Variants in NUDT3 observed in about 807,000 individuals in gnomAD.
NUDT3 encodes nudix hydrolase 3.
Under a neutral mutation model 23.6 loss-of-function variants are expected in NUDT3, and 9 were observed. The observed-to-expected ratio is 0.38, with a 90% confidence interval of 0.23 to 0.66. The LOEUF (loss-of-function observed/expected upper bound fraction) is 0.66, where lower values mean the gene tolerates loss of function less well. Ranked by LOEUF, NUDT3 falls within the 30% of genes least tolerant of loss-of-function variation. NUDT3 has a pLI of 0.52. For missense variants in NUDT3, 172 were observed against 218.5 expected, an observed-to-expected ratio of 0.79 and a Z score of 1.34; for synonymous variants, 86 against 82.6, an observed-to-expected ratio of 1.04 and a Z score of -0.22.
chr6:34,336,055 G>A (rs1337685737), intron 2 of NUDT3, among the ~76,000 whole-genome samples: 1 of 152,038 alleles, frequency 6.6e-6, no homozygotes, highest in Non-Finnish European at 1.5e-5. Flanking sequence ...GACTGCCTAA[G>A]GTCAGGAGTT....
At chr6:34,306,262 T>C (rs1763677200) in intron 2 of NUDT3, among the ~76,000 whole-genome samples, 1 of 152,236 alleles carries the variant, frequency 6.6e-6, no homozygotes, top group African/African-American at 2.4e-5. Context: ...CCATACTGTC[T>C]TGGCAGTCCT....
intron 2 of NUDT3, among the ~76,000 whole-genome samples, chr6:34,329,384 G>A (rs548655565): frequency 1.3e-4 from 20 of 152,216 alleles, no homozygotes; most frequent in Middle Eastern, 3.4e-3. Context: ...GGGTTCAAGC[G>A]ATTCTCCTGC....
At chr6:34,383,070 T>C (rs1765049171) in intron 1 of NUDT3, among the ~76,000 whole-genome samples, 2 of 141,604 alleles carry the variant, frequency 1.4e-5, no homozygotes, top group South Asian at 4.4e-4. Flanking sequence ...GAGGTTGCAG[T>C]GAGCCAAGAT....
intron 2 of NUDT3, among the ~76,000 whole-genome samples, chr6:34,323,444 G>A (rs922292472): frequency 6.6e-6 from 1 of 152,102 alleles, no homozygotes; most frequent in African/African-American, 2.4e-5. Flanking sequence ...GCTTGTGCCT[G>A]TAGTCCCAGC....
Position 34,360,222 on chromosome 6 carries a change from A to G in NUDT3, c.100-18250T>C, listed in dbSNP as rs1764627538. Among the ~76,000 whole-genome samples the G allele has an allele frequency of 2.2e-5, 3 of 138,254 alleles. No homozygotes were observed. The South Asian group carries it at 7.7e-4, about 36-fold the overall frequency. 90.7% of individuals were successfully genotyped at this position (138,254 alleles called of 152,430 possible). ...CACTGCACTCCAGCCTGGGAAACAG[A>G]GTGAGACCCTGTCTCAAAAAAAAAA... On this transcript the variant is annotated intron_variant, in intron 1 of 4. Coordinates refer to ENST00000607016, the MANE Select transcript of NUDT3 (RefSeq NM_006703.4).
intron 2 of NUDT3, among the ~76,000 whole-genome samples, chr6:34,336,205 G>A (rs1478108333): frequency 6.6e-6 from 1 of 152,040 alleles, no homozygotes; most frequent in Non-Finnish European, 1.5e-5. Flanking sequence ...AGAGGCGGAG[G>A]TTGCAGTGAG....
At chr6:34,327,187 CAGAG>C (rs1212529146) in intron 2 of NUDT3, among the ~76,000 whole-genome samples, 1 of 152,006 alleles carries the variant, frequency 6.6e-6, no homozygotes, top group Non-Finnish European at 1.5e-5. Context: ...GTAGCCGAAA[CAGAG>C]AGGGAAGGCA....
intron 2 of NUDT3, among the ~76,000 whole-genome samples, chr6:34,310,012 T>A (rs1317338380): frequency 1.3e-5 from 2 of 151,320 alleles, no homozygotes; most frequent in East Asian, 2.0e-4. Context: ...GTGGGAGGAC[T>A]GCTTGAGGCC....
chr6:34,310,547 C>A (rs913774957), intron 2 of NUDT3, among the ~76,000 whole-genome samples: 14 of 151,886 alleles, frequency 9.2e-5, no homozygotes, highest in African/African-American at 3.1e-4. Context: ...ACAACATCCA[C>A]CACCACCACC....
intron 2 of NUDT3, among the ~76,000 whole-genome samples, chr6:34,308,281 C>T (rs569973818): frequency 2.2e-4 from 33 of 150,692 alleles, no homozygotes; most frequent in African/African-American, 8.1e-4. Context: ...AACATAGGGA[C>T]ACCCTCTCTC....
intron 2 of NUDT3, among the ~76,000 whole-genome samples, chr6:34,304,950 G>C (rs1763656913): frequency 6.7e-6 from 1 of 149,498 alleles, no homozygotes. Context: ...GGGATTATAG[G>C]CATGAGCCAC....
At chr6:34,291,425 A>C (rs1354691929) in intron 4 of NUDT3, among the ~76,000 whole-genome samples, 1 of 152,136 alleles carries the variant, frequency 6.6e-6, no homozygotes, top group African/African-American at 2.4e-5. Context: ...GAAAGGCGAC[A>C]CTGATCCCCA....
chr6:34,279,895 G>C lies in NUDT3; in HGVS notation c.*8858C>G, dbSNP rs1763262637. The stretch of plus-strand genomic sequence containing the variant: ...TAACAACATTCTCTCTAGATGGCAG[G>C]GGGTAAGTCTGCCTGTCCTCCATTG... On this transcript the variant is annotated 3_prime_UTR_variant, in exon 5 of 5. Coordinates refer to ENST00000607016, the MANE Select transcript of NUDT3 (RefSeq NM_006703.4). 6.6e-6 allele frequency: 1 copy of C among 152,232 alleles called. No individual in the cohort carries two copies. Among genetic ancestry groups the C allele is most frequent in the Non-Finnish European group, 1.5e-5 (1 of 68,072 alleles). The allele number at this position is 152,232 out of a possible 1,614,324, so 9.4% of individuals were successfully genotyped here.
At position 34,287,466 on chromosome 6, in the gene NUDT3, A is replaced by G. The variant is rs141885159; in HGVS notation, c.*1287T>C. 2.0e-4 allele frequency: 30 copies of G among 152,366 alleles called. No homozygotes were observed. In the East Asian group the frequency reaches 5.6e-3, roughly 28 times the overall value. The allele number at this position is 152,366 out of a possible 1,614,324, so 9.4% of individuals were successfully genotyped here. A position where few individuals can be genotyped will look rare whatever the true frequency, so the allele number is the denominator to read the frequency against. ...AGTGTATTATGTAACCACTGTAATA[A>G]GTGATTACGTGGCCTCCCATATGGA... On this transcript the variant is annotated 3_prime_UTR_variant, in exon 5 of 5. Coordinates refer to ENST00000607016, the MANE Select transcript of NUDT3 (RefSeq NM_006703.4).
At chr6:34,329,562 T>C (rs1484171768) in intron 2 of NUDT3, among the ~76,000 whole-genome samples, 1 of 152,144 alleles carries the variant, frequency 6.6e-6, no homozygotes, top group Non-Finnish European at 1.5e-5. Context: ...ATTACAGGCG[T>C]GAACCACCGT....
chr6:34,365,015 C>T (rs1345284181), intron 1 of NUDT3, among the ~76,000 whole-genome samples: 2 of 151,300 alleles, frequency 1.3e-5, no homozygotes, highest in East Asian at 2.0e-4. Context: ...AGCGAGACTT[C>T]GTCTCAAAAA....
chr6:34,334,498 G>A (rs1431075121), intron 2 of NUDT3, among the ~76,000 whole-genome samples: 1 of 152,052 alleles, frequency 6.6e-6, no homozygotes, highest in Non-Finnish European at 1.5e-5. Context: ...AACTAGCCGG[G>A]CATGGTAGTG....
At chr6:34,371,589 C>T (rs1487592411) in intron 1 of NUDT3, among the ~76,000 whole-genome samples, 2 of 152,146 alleles carry the variant, frequency 1.3e-5, no homozygotes, top group Non-Finnish European at 2.9e-5. Context: ...GAGATCCTTT[C>T]TGAAACCATT....
chr6:34,372,153 T>C (rs1364295309), intron 1 of NUDT3, among the ~76,000 whole-genome samples: 2 of 152,198 alleles, frequency 1.3e-5, no homozygotes, highest in African/African-American at 2.4e-5. Context: ...CTGATAGACA[T>C]TTGGGTTGGT....
Sources: gnomAD v4.1 joint callset for allele counts (sites outside exome capture counted in the v4.1 genomes callset) on GRCh38, gnomAD v4.1.1 for gene constraint, MANE v1.5 for transcripts, NCBI Gene and HGNC (gene_info 2026-07-23, HGNC 2026-07-21) for gene names.